CREB3L1: variants seen among roughly 807,000 people sequenced by gnomAD.
CREB3L1 encodes the protein cAMP responsive element binding protein 3 like 1, also known as cyclic AMP-responsive element-binding protein 3-like protein 1.
A neutral mutation model predicts 54.5 loss-of-function variants in CREB3L1; 33 were observed. That is an observed-to-expected ratio of 0.61 (90% CI 0.46 to 0.81). The LOEUF (loss-of-function observed/expected upper bound fraction) is 0.81. Among genes scored for constraint, CREB3L1 ranks in the 30% least tolerant of loss-of-function variants. The probability of loss-of-function intolerance (pLI) is 0.00; values close to 1 mark genes in which losing one functional copy is unlikely to be tolerated. For missense variants in CREB3L1, 656 were observed against 673.3 expected (o/e 0.97, Z 0.29); for synonymous variants, 284 against 286.4 (o/e 0.99, Z 0.08).
intron 8 of CREB3L1, among the ~76,000 whole-genome samples, 184 bp downstream of exon 8, chr11:46,313,103 C>T (rs921227274): frequency 3.9e-5 from 6 of 152,138 alleles, no homozygotes; most frequent in Admixed American, 2.0e-4. Context: ...TCCCATTTTT[C>T]CTCACCTACA....
intron 10 of CREB3L1, among the ~76,000 whole-genome samples, chr11:46,318,272 A>G (rs1344179331): frequency 6.6e-6 from 1 of 152,084 alleles, no homozygotes; most frequent in Non-Finnish European, 1.5e-5. Flanking sequence ...AAGGAGTGTC[A>G]TGATCCACTG....
rs376388580 is a variant in CREB3L1 at position 46,278,210 on chromosome 11, T to C, written c.99T>C (p.Asn33=). The change falls in exon 1 of 12, where the codon AAT becomes AAC. Residue 33 remains asparagine (N), a synonymous_variant. Coordinates refer to ENST00000621158, the MANE Select transcript of CREB3L1 (RefSeq NM_052854.4). This position sits in a 1 kb window ranked among gnomAD's most constrained non-coding sequence, Gnocchi z 4.2. ...GDLNESDFLN[N]AHFPEHLDHF... is the part of the protein sequence containing the mutation. The stretch of plus-strand genomic sequence containing the variant: ...TGAACGAGTCGGACTTCCTCAACAA[T>C]GCGGTAAGATGAAGGGTCTCCGTTC... The C allele has an allele frequency of 4.5e-6, 7 of 1,556,872 alleles. No individual in the cohort carries two copies. The highest frequency in any genetic ancestry group is 1.2e-5 in the South Asian group (1 of 84,320).
At chr11:46,279,968 CT>C (rs1291422631) in intron 1 of CREB3L1, among the ~76,000 whole-genome samples, 2 of 152,186 alleles carry the variant, frequency 1.3e-5, no homozygotes, top group Non-Finnish European at 2.9e-5. Flanking sequence ...GGATCCAGCA[CT>C]AGGACACTGG....
intron 1 of CREB3L1, among the ~76,000 whole-genome samples, chr11:46,297,390 C>T (rs1939228401): frequency 6.6e-6 from 1 of 152,158 alleles, no homozygotes; most frequent in Admixed American, 6.5e-5. Flanking sequence ...GGCCCTGTCC[C>T]TCCACCAGTA....
At chr11:46,316,890 G>A (rs928076735) in intron 9 of CREB3L1, among the ~76,000 whole-genome samples, 51 of 152,108 alleles carry the variant, frequency 3.4e-4, no homozygotes, top group African/African-American at 1.1e-3. Context: ...CCGGCCCTCC[G>A]AGACCCTCGA....
chr11:46,320,810 T>C lies in CREB3L1; in HGVS notation c.*64T>C. 1.3e-6 allele frequency: 2 copies of C among 1,555,010 alleles called. No individual in the cohort carries two copies. The highest frequency in any genetic ancestry group is 1.2e-5 in the South Asian group (1 of 86,314). On this transcript the variant is annotated 3_prime_UTR_variant, in exon 12 of 12. Coordinates refer to ENST00000621158, the MANE Select transcript of CREB3L1 (RefSeq NM_052854.4). ...ACCCAGAAGAGGAGTTCTTGCTCAC[T>C]AACCCGGATCCGCCTCGTGCCCCTG...
Position 46,300,042 on chromosome 11 carries a change from A to G in CREB3L1, c.210A>G (p.Leu70=), listed in dbSNP as rs769607981. Residue 70 remains leucine (L), a synonymous_variant, in exon 2 of 12, where the codon CTA becomes CTG. Transcript: ENST00000621158. ...CTGTGCTGGATGAGAAGAGCCCTCT[A>G]TTGGACATGGAACTGGACTCCCCTA... ...DDPVLDEKSP[L]LDMELDSPTP... is the part of the protein sequence containing the mutation. The G allele has an allele frequency of 3.1e-6, 5 of 1,613,754 alleles. No individual in the cohort carries two copies. Among genetic ancestry groups the G allele is most frequent in the African/African-American group, 1.3e-5 (1 of 74,880 alleles).
chr11:46,296,449 G>T lies in CREB3L1; in HGVS notation c.103-3486G>T, dbSNP rs1311293170. ...GCTGTGTTTCCCTCTCTGGACTGGAGTTTTCTCTACTAAGAAATAGGAGGG... is the reference window on the plus strand; with the variant it reads ...GCTGTGTTTCCCTCTCTGGACTGGATTTTTCTCTACTAAGAAATAGGAGGG... On this transcript the variant is annotated intron_variant, in intron 1 of 11. Coordinates refer to ENST00000621158, the MANE Select transcript of CREB3L1 (RefSeq NM_052854.4). 2.6e-5 allele frequency among the ~76,000 whole-genome samples: 4 copies of T among 151,958 alleles called. No homozygotes were observed. In the South Asian group the frequency reaches 8.3e-4, roughly 32 times the overall value.
chr11:46,307,683 C>T, intron 2 of CREB3L1, 133 bp from the exon 3 acceptor site: 2 of 656,680 alleles, frequency 3.0e-6, no homozygotes, highest in Non-Finnish European at 2.4e-6. Context: ...ACCTCACAAC[C>T]ACCCTCTTTC....
At chr11:46,292,791 A>T (rs951483112) in intron 1 of CREB3L1, among the ~76,000 whole-genome samples, 33 of 146,492 alleles carry the variant, frequency 2.3e-4, no homozygotes, top group African/African-American at 3.2e-4. Context: ...ATATTTTTAA[A>T]TTTTTTTTTT....
intron 1 of CREB3L1, among the ~76,000 whole-genome samples, chr11:46,285,252 A>G (rs2136335479): frequency 6.6e-6 from 1 of 152,272 alleles, no homozygotes; most frequent in East Asian, 1.9e-4. Context: ...TCCCTCAAGA[A>G]ACCAGCTCCA....
At chr11:46,304,144 T>C (rs1445823853) in intron 2 of CREB3L1, among the ~76,000 whole-genome samples, 1 of 152,180 alleles carries the variant, frequency 6.6e-6, no homozygotes, top group Non-Finnish European at 1.5e-5. Context: ...GTGAGAACAA[T>C]GGTGCCTGCC....
At chr11:46,300,728 G>A (rs1455121611) in intron 2 of CREB3L1, among the ~76,000 whole-genome samples, 5 of 152,120 alleles carry the variant, frequency 3.3e-5, no homozygotes, top group South Asian at 2.1e-4. Context: ...ATACAGGGCC[G>A]GGCGCGGTGG....
At chr11:46,294,724 C>T (rs749864499) in intron 1 of CREB3L1, among the ~76,000 whole-genome samples, 9 of 152,112 alleles carry the variant, frequency 5.9e-5, no homozygotes, top group Non-Finnish European at 1.2e-4. Flanking sequence ...CCTGCTCTCA[C>T]CACTCCCCGC....
chr11:46,319,465 T>C (rs1939615424), intron 10 of CREB3L1, among the ~76,000 whole-genome samples: 1 of 152,244 alleles, frequency 6.6e-6, no homozygotes, highest in African/African-American at 2.4e-5. Context: ...CTTAGGTCTA[T>C]GGGCCTTGGA....
intron 2 of CREB3L1, among the ~76,000 whole-genome samples, chr11:46,305,700 G>GTATA (rs201431893): frequency 0.029 from 2,542 of 87,410 alleles, 94 homozygotes; most frequent in African/African-American, 0.11. Context: ...ATGTGTGTGT[G>GTATA]TGTGTGTGTG....
intron 2 of CREB3L1, among the ~76,000 whole-genome samples, chr11:46,305,356 C>T (rs1294595198): frequency 2.0e-5 from 3 of 152,156 alleles, no homozygotes; most frequent in South Asian, 2.1e-4. Flanking sequence ...CGCTCCCCAC[C>T]GCCGCCTCCT....
chr11:46,321,041 C>A lies in CREB3L1; in HGVS notation c.*295C>A, dbSNP rs1219970262. On this transcript the variant is annotated 3_prime_UTR_variant, in exon 12 of 12. Coordinates refer to ENST00000621158, the MANE Select transcript of CREB3L1 (RefSeq NM_052854.4). ...AACACGACCACTGCCTCCCTGCCCCCACACCTGCACCCAAACAGACACATC... is the reference window on the plus strand; with the variant it reads ...AACACGACCACTGCCTCCCTGCCCCAACACCTGCACCCAAACAGACACATC... 3.3e-6 allele frequency: 2 copies of A among 599,350 alleles called. No individual in the cohort carries two copies. The highest frequency in any genetic ancestry group is 3.7e-5 in the African/African-American group (2 of 54,710). 37.1% of individuals were successfully genotyped at this position (599,350 alleles called of 1,614,324 possible).
In CREB3L1 at chr11:46,299,913, C is replaced by T. The variant is rs769519263; in HGVS notation, c.103-22C>T. On this transcript the variant is annotated intron_variant, in intron 1 of 11. Transcript: ENST00000621158. ...CCAAGCAAAGCTGAATTCCCTCTTC[C>T]CCTCACCTCTTCCTTCCCTAGCACT... 55 of 1,585,194 alleles carry T rather than the reference C, an allele frequency of 3.5e-5. No homozygotes were observed. In the Admixed American group the frequency reaches 7.0e-4, roughly 20 times the overall value.
Sources: allele counts gnomAD v4.1 joint callset (sites outside exome capture counted in the v4.1 genomes callset), GRCh38; gene constraint gnomAD v4.1.1; non-coding constraint Gnocchi (gnomAD v3.1); transcripts MANE v1.5; gene names NCBI Gene and HGNC (gene_info 2026-07-23, HGNC 2026-07-21).